CYP3A7: variants seen among roughly 807,000 people sequenced by gnomAD.
The protein encoded by CYP3A7 is cytochrome P450 3A7.
CYP3A7 carries 45 observed loss-of-function variants against 55.2 expected under a neutral mutation model. The observed-to-expected ratio is 0.82, with a 90% CI of 0.64 to 1.05. CYP3A7 has a LOEUF of 1.05. CYP3A7 is among the 50% of genes least tolerant of loss of function. The probability of loss-of-function intolerance (pLI) is 0.00; values close to 1 mark genes in which losing one functional copy is unlikely to be tolerated. For synonymous variants in CYP3A7, 180 were observed against 207.4 expected, an observed-to-expected ratio of 0.87 and a Z score of 1.13; for missense variants, 548 against 605.3, an observed-to-expected ratio of 0.91 and a Z score of 0.99.
intron 6 of CYP3A7, among the ~76,000 whole-genome samples, chr7:99,716,309 T>C (rs1024550311): frequency 1.6e-4 from 25 of 152,302 alleles, no homozygotes; most frequent in Admixed American, 4.6e-4. Flanking sequence ...TGACATTGCC[T>C]GACTACAGAC....
At chr7:99,725,234 G>C (rs1814363964) in intron 2 of CYP3A7, among the ~76,000 whole-genome samples, 1 of 152,182 alleles carries the variant, frequency 6.6e-6, no homozygotes, top group Non-Finnish European at 1.5e-5. Flanking sequence ...CCTGGACCCA[G>C]AGGGGCCAGA....
In CYP3A7 at chr7:99,710,849, AATAAAG is replaced by A. The variant is rs1251200175; in HGVS notation, c.903_908del (p.Ile303_Phe304del). 3 of 1,613,844 alleles carry A rather than the reference AATAAAG, an allele frequency of 1.9e-6. No homozygotes were observed. Among genetic ancestry groups the A allele is most frequent in the Non-Finnish European group, 2.5e-6 (3 of 1,179,830 alleles). ...TGCTCGTGGTTTCATAGCCAGCAAA[AATAAAG>A]ATAATTGATTGGGCCATGAGCTCCA... On this transcript the variant is annotated inframe_deletion, in exon 10 of 13. Transcript: ENST00000336374.
intron 4 of CYP3A7, 43 bp from the exon 5 acceptor site, chr7:99,717,682 G>A (rs1391744816): frequency 6.2e-7 from 1 of 1,607,798 alleles, no homozygotes. Context: ...ATCAGTTGTG[G>A]AGGTCTCCAT....
intron 3 of CYP3A7, 161 bp from the exon 4 acceptor site, chr7:99,720,573 G>C: frequency 1.3e-6 from 1 of 746,740 alleles, no homozygotes; most frequent in East Asian, 2.9e-5. Flanking sequence ...CTCACAGCAA[G>C]AGTCTGACAC....
In CYP3A7 at chr7:99,722,305, TTTCTA is replaced by T; in HGVS notation, c.204_208del (p.Tyr68Ter). 6.2e-7 allele frequency: 1 copy of T among 1,613,624 alleles called. No homozygotes were observed. Among genetic ancestry groups the T allele is most frequent in the Non-Finnish European group, 8.5e-7 (1 of 1,179,650 alleles). ...CTTCCAGAATACTCACCCCCAGACTTTTCTATACTTTTTATAACATTCCATGTCAA... is the reference window on the plus strand; with the variant it reads ...CTTCCAGAATACTCACCCCCAGACTTTACTTTTTATAACATTCCATGTCAA... On this transcript the variant is annotated stop_gained and frameshift_variant, in exon 3 of 13. Coordinates refer to ENST00000336374, the MANE Select transcript of CYP3A7 (RefSeq NM_000765.5). LOFTEE classifies it high-confidence loss of function.
chr7:99,713,577 G>C (rs45585039), intron 8 of CYP3A7, 42 bp from the exon 9 acceptor site: 4 of 1,611,932 alleles, frequency 2.5e-6, no homozygotes, highest in East Asian at 2.2e-5. Context: ...AAAGTGACTC[G>C]TGAAGTCAGA....
chr7:99,711,223 A>T (rs573930860), intron 9 of CYP3A7, among the ~76,000 whole-genome samples: 1 of 152,328 alleles, frequency 6.6e-6, no homozygotes, highest in South Asian at 2.1e-4. Context: ...TCCTTGAATG[A>T]TCCTAAAAGT....
chr7:99,720,624 G>GC (rs1814162836), intron 3 of CYP3A7: 1 of 511,646 alleles, frequency 2.0e-6, no homozygotes, highest in Admixed American at 3.2e-5. Context: ...GGTAATGTGG[G>GC]CCAAACAGGG....
At chr7:99,734,888 TG>T in intron 1 of CYP3A7, 134 bp downstream of exon 1, 1 of 1,358,068 alleles carries the variant, frequency 7.4e-7, no homozygotes, top group Non-Finnish European at 1.0e-6. Context: ...CCCAAAGTTC[TG>T]GGATGACAGG....
chr7:99,734,995 G>A (rs777808529), intron 1 of CYP3A7, 28 bp downstream of exon 1: 6 of 1,613,788 alleles, frequency 3.7e-6, no homozygotes, highest in Non-Finnish European at 3.4e-6. Flanking sequence ...CAAGGAAACA[G>A]AGAAGAGGAG....
intron 12 of CYP3A7, among the ~76,000 whole-genome samples, chr7:99,707,282 GC>G (rs1328230085): frequency 6.6e-6 from 1 of 152,138 alleles, no homozygotes; most frequent in Non-Finnish European, 1.5e-5. Context: ...TTCCACCTTG[GC>G]TTCACATGAG....
At position 99,731,025 on chromosome 7, in the gene CYP3A7, T is replaced by G. The variant is rs1563029143; in HGVS notation, c.165+34A>C. The G allele has an allele frequency of 1.9e-6, 3 of 1,612,148 alleles. No homozygotes were observed. The East Asian group carries it at 6.7e-5, about 36-fold the overall frequency. On this transcript the variant is annotated intron_variant, in intron 2 of 12. Coordinates refer to ENST00000336374, the MANE Select transcript of CYP3A7 (RefSeq NM_000765.5). Reference sequence around the variant, plus strand: ...GGAACTAAGTTGCTCTTTGCAATCATAAGAAGCAAAAGAGGAAGCTCAAAA... The same window carrying G: ...GGAACTAAGTTGCTCTTTGCAATCAGAAGAAGCAAAAGAGGAAGCTCAAAA...
intron 12 of CYP3A7, 110 bp downstream of exon 12, chr7:99,707,702 A>G: frequency 6.5e-6 from 10 of 1,532,336 alleles, no homozygotes; most frequent in Non-Finnish European, 8.9e-6. Context: ...TCCTTGGCCC[A>G]TAGAACAAAT....
intron 9 of CYP3A7, among the ~76,000 whole-genome samples, chr7:99,711,507 A>T (rs975449309): frequency 1.3e-4 from 20 of 152,192 alleles, no homozygotes; most frequent in African/African-American, 4.8e-4. Flanking sequence ...GGTGGCACAC[A>T]CCTGTAATCC....
At chr7:99,714,728 A>G (rs2151510870) in intron 7 of CYP3A7, 46 bp from the exon 8 acceptor site, 1 of 1,598,234 alleles carries the variant, frequency 6.3e-7, no homozygotes, top group Non-Finnish European at 8.5e-7. Context: ...TTGTGAACAT[A>G]CAAAATTTAC....
chr7:99,711,577 TAACC>T (rs1813751001), intron 9 of CYP3A7, among the ~76,000 whole-genome samples: 1 of 152,142 alleles, frequency 6.6e-6, no homozygotes, highest in Non-Finnish European at 1.5e-5. Flanking sequence ...AAGACCAGCC[TAACC>T]AACATGGAGA....
chr7:99,721,172 G>A (rs866744645), intron 3 of CYP3A7, among the ~76,000 whole-genome samples: 2 of 152,136 alleles, frequency 1.3e-5, no homozygotes, highest in Non-Finnish European at 2.9e-5. Flanking sequence ...AATGGTTTAA[G>A]AATATTCAGC....
At chr7:99,722,135 TC>T (rs1814226561) in intron 3 of CYP3A7, among the ~76,000 whole-genome samples, 160 bp downstream of exon 3, 1 of 152,182 alleles carries the variant, frequency 6.6e-6, no homozygotes, top group Non-Finnish European at 1.5e-5. Context: ...AATACTCTTC[TC>T]CCAAATACAT....
chr7:99,711,132 C>T (rs567572132), intron 9 of CYP3A7, among the ~76,000 whole-genome samples: 7 of 152,298 alleles, frequency 4.6e-5, no homozygotes, highest in African/African-American at 1.2e-4. Context: ...CGCTCCTCCT[C>T]GTGCCATCCC....
Sources: allele counts gnomAD v4.1 joint callset (sites outside exome capture counted in the v4.1 genomes callset), GRCh38; gene constraint gnomAD v4.1.1; transcripts MANE v1.5; gene names NCBI Gene and HGNC (gene_info 2026-07-23, HGNC 2026-07-21).